Variants in HS6ST3 observed in about 807,000 individuals in gnomAD.
The protein encoded by HS6ST3 is heparan sulfate 6-O-sulfotransferase 3.
A neutral mutation model predicts 36.7 loss-of-function variants in HS6ST3; 12 were observed. That is an observed-to-expected ratio of 0.33 (90% CI 0.21 to 0.53). HS6ST3 has a LOEUF of 0.53. HS6ST3 is among the 20% of genes least tolerant of loss of function. The pLI is 0.95. For missense variants in HS6ST3, 584 were observed against 640.9 expected, an observed-to-expected ratio of 0.91 and a Z score of 0.96; for synonymous variants, 240 against 257.5, an observed-to-expected ratio of 0.93 and a Z score of 0.65.
At chr13:96,403,272 A>C (rs868426215) in intron 1 of HS6ST3, among the ~76,000 whole-genome samples, 1 of 152,214 alleles carries the variant, frequency 6.6e-6, no homozygotes, top group African/African-American at 2.4e-5. Flanking sequence ...GAGTACTTAC[A>C]TAACAATGAA....
At chr13:96,192,368 T>C (rs2054292422) in intron 1 of HS6ST3, among the ~76,000 whole-genome samples, 1 of 152,196 alleles carries the variant, frequency 6.6e-6, no homozygotes, top group Non-Finnish European at 1.5e-5. Context: ...CTGGTGGGGA[T>C]GGACTTCTAG....
chr13:96,220,918 C>T (rs2054451897), intron 1 of HS6ST3, among the ~76,000 whole-genome samples: 1 of 152,084 alleles, frequency 6.6e-6, no homozygotes, highest in Admixed American at 6.6e-5. Context: ...CTCAATTACG[C>T]AATTTGAGTG....
Position 96,469,622 on chromosome 13 carries a change from A to G in HS6ST3, c.708-362868A>G, listed in dbSNP as rs12873923. Among the ~76,000 whole-genome samples the G allele has an allele frequency of 4.3e-3, 651 of 152,278 alleles. 3 individuals are homozygous for G. The highest frequency in any genetic ancestry group is 0.024 in the Middle Eastern group (7 of 294). ...AGCCATTTTAAAAATTACTGAGTCA[A>G]ACAGCAACTCATGGTTCAGAGATCA... On this transcript the variant is annotated intron_variant, in intron 1 of 1. Transcript: ENST00000376705.
intron 1 of HS6ST3, among the ~76,000 whole-genome samples, chr13:96,202,889 A>G (rs2054349968): frequency 6.6e-6 from 1 of 152,070 alleles, no homozygotes; most frequent in African/African-American, 2.4e-5. Context: ...TGTGTGATAA[A>G]CTCCAAGATG....
chr13:96,490,864 A>G lies in HS6ST3; in HGVS notation c.708-341626A>G, dbSNP rs148474020. On this transcript the variant is annotated intron_variant, in intron 1 of 1. Transcript: ENST00000376705. ...TATGCTGCTTCACATCTTAGAGCAT[A>G]CTGTGCTACTTGCTGTCCCAGCAAT... Among the ~76,000 whole-genome samples, 1,017 of 152,354 alleles carry G rather than the reference A, an allele frequency of 6.7e-3. 12 individuals are homozygous for G. Among genetic ancestry groups the G allele is most frequent in the African/African-American group, 0.024 (980 of 41,598 alleles).
chr13:96,305,069 A>G (rs28733330), intron 1 of HS6ST3, among the ~76,000 whole-genome samples: 1 of 152,052 alleles, frequency 6.6e-6, no homozygotes, highest in Non-Finnish European at 1.5e-5. Flanking sequence ...TTATTCATCA[A>G]GAGATCACAG....
At chr13:96,526,404 G>T (rs144468386) in intron 1 of HS6ST3, among the ~76,000 whole-genome samples, 1 of 152,310 alleles carries the variant, frequency 6.6e-6, no homozygotes, top group African/African-American at 2.4e-5. Context: ...TCAGTGTGAT[G>T]CTGTGGGGGA....
intron 1 of HS6ST3, among the ~76,000 whole-genome samples, chr13:96,149,243 ATTC>A (rs2054072342): frequency 6.6e-6 from 1 of 152,136 alleles, no homozygotes; most frequent in Admixed American, 6.5e-5. Flanking sequence ...GTAGAAAACT[ATTC>A]TTGGTGATTT....
chr13:96,723,280 T>C (rs1402871031), intron 1 of HS6ST3, among the ~76,000 whole-genome samples: 2 of 152,076 alleles, frequency 1.3e-5, no homozygotes, highest in African/African-American at 4.8e-5. Flanking sequence ...TTTTGTTATT[T>C]CTGTTTTTCC....
intron 1 of HS6ST3, among the ~76,000 whole-genome samples, chr13:96,102,796 G>A (rs977123815): frequency 2.0e-5 from 3 of 152,066 alleles, no homozygotes; most frequent in Non-Finnish European, 2.9e-5. Flanking sequence ...CTGCACTTTC[G>A]CAAGCAAGTC....
At chr13:96,294,596 G>T (rs1036122634) in intron 1 of HS6ST3, among the ~76,000 whole-genome samples, 1 of 152,042 alleles carries the variant, frequency 6.6e-6, no homozygotes. Context: ...TCCAGAGGAG[G>T]AGTTAACTTA....
intron 1 of HS6ST3, among the ~76,000 whole-genome samples, chr13:96,374,393 G>A (rs2055304728): frequency 6.6e-6 from 1 of 151,914 alleles, no homozygotes; most frequent in Admixed American, 6.6e-5. Flanking sequence ...ATTAATATCT[G>A]CTACTTATGG....
intron 1 of HS6ST3, among the ~76,000 whole-genome samples, chr13:96,645,845 G>T (rs1437621176): frequency 1.3e-5 from 2 of 151,818 alleles, no homozygotes; most frequent in Non-Finnish European, 2.9e-5. Context: ...TTCTGGGTTT[G>T]TTGTACTGAA....
At chr13:96,525,230 G>A (rs893186479) in intron 1 of HS6ST3, among the ~76,000 whole-genome samples, 5 of 152,134 alleles carry the variant, frequency 3.3e-5, no homozygotes, top group Non-Finnish European at 7.3e-5. Flanking sequence ...CAGGCAAATT[G>A]CTTAATTTCT....
chr13:96,454,985 G>A (rs1475721443), intron 1 of HS6ST3, among the ~76,000 whole-genome samples: 1 of 151,772 alleles, frequency 6.6e-6, no homozygotes, highest in African/African-American at 2.4e-5. Flanking sequence ...GGGAGGGTGA[G>A]TGATGTAAAT....
intron 1 of HS6ST3, among the ~76,000 whole-genome samples, chr13:96,569,443 A>C (rs1241714925): frequency 1.3e-5 from 2 of 152,332 alleles, no homozygotes; most frequent in South Asian, 4.1e-4. Flanking sequence ...CTGGGTCCTT[A>C]GTACTATCAT....
At chr13:96,420,849 A>T (rs928462581) in intron 1 of HS6ST3, among the ~76,000 whole-genome samples, 1 of 152,262 alleles carries the variant, frequency 6.6e-6, no homozygotes, top group African/African-American at 2.4e-5. Context: ...AAATAAAGAA[A>T]GTGTGAACCA....
chr13:96,757,761 T>C (rs1876869872), intron 1 of HS6ST3, among the ~76,000 whole-genome samples: 1 of 152,150 alleles, frequency 6.6e-6, no homozygotes, highest in Admixed American at 6.5e-5. Flanking sequence ...ATGAATATAG[T>C]GAATTACATT....
chr13:96,325,382 C>A (rs991898123), intron 1 of HS6ST3, among the ~76,000 whole-genome samples: 2 of 151,808 alleles, frequency 1.3e-5, no homozygotes, highest in African/African-American at 4.8e-5. Flanking sequence ...CTACAAAGAC[C>A]CTATTTCCAA....
Sources: allele counts gnomAD v4.1 joint callset (sites outside exome capture counted in the v4.1 genomes callset), GRCh38; gene constraint gnomAD v4.1.1; transcripts MANE v1.5; gene names NCBI Gene and HGNC (gene_info 2026-07-23, HGNC 2026-07-21).